Variants in RBFOX1 observed in about 807,000 individuals in gnomAD.
The protein encoded by RBFOX1 is RNA binding protein fox-1 homolog 1.
A neutral mutation model predicts 57.7 loss-of-function variants in RBFOX1; 8 were observed. The ratio of observed to expected loss-of-function variants is 0.14; its 90% CI spans 0.08 to 0.25. The LOEUF is 0.25. Among genes scored for constraint, RBFOX1 ranks in the 10% least tolerant of loss-of-function variants. The pLI is 1.00. For missense variants in RBFOX1, 611 were observed against 548.5 expected (o/e 1.11, Z -1.14); for synonymous variants, 326 against 222.4 (o/e 1.47, Z -4.15).
At chr16:7,569,189 T>C (rs957037690) in intron 5 of RBFOX1, among the ~76,000 whole-genome samples, 2 of 152,214 alleles carry the variant, frequency 1.3e-5, no homozygotes, top group African/African-American at 4.8e-5. Flanking sequence ...TAGTTTTCTT[T>C]TGCTGTCAGA....
Position 6,947,823 on chromosome 16 carries a change from C to G in RBFOX1, c.-15-104234C>G, listed in dbSNP as rs574796165. Among the ~76,000 whole-genome samples, 18 of 152,280 alleles carry G rather than the reference C, an allele frequency of 1.2e-4. No homozygotes were observed. In the Middle Eastern group the frequency reaches 0.017, roughly 144 times the overall value. ...ATGGAGTCTTGCTCTGTCGCTCAAG[C>G]TGCAGTGCAGTCGTGCAATCTTGGC... On this transcript the variant is annotated intron_variant, in intron 3 of 15. Coordinates refer to ENST00000550418, the MANE Select transcript of RBFOX1 (RefSeq NM_018723.4).
intron 3 of RBFOX1, among the ~76,000 whole-genome samples, chr16:5,824,904 T>G (rs1196170522): frequency 6.6e-6 from 1 of 152,200 alleles, no homozygotes; most frequent in Non-Finnish European, 1.5e-5. Context: ...TCCAGTGACA[T>G]AACTAGATGT....
At chr16:7,372,042 A>T (rs1210821869) in intron 4 of RBFOX1, among the ~76,000 whole-genome samples, 2 of 152,074 alleles carry the variant, frequency 1.3e-5, no homozygotes, top group South Asian at 2.1e-4. Flanking sequence ...TAAATAAAAC[A>T]TATATATGGG....
intron 3 of RBFOX1, among the ~76,000 whole-genome samples, chr16:6,917,603 G>T (rs2073496259): frequency 6.6e-6 from 1 of 151,724 alleles, no homozygotes; most frequent in East Asian, 2.0e-4. Flanking sequence ...TCTGACACCG[G>T]CTCCCTTCCT....
At chr16:7,240,769 C>T in intron 4 of RBFOX1, among the ~76,000 whole-genome samples, 1 of 152,068 alleles carries the variant, frequency 6.6e-6, no homozygotes. Flanking sequence ...GGGGTTTTGC[C>T]ATGTTGCCCA....
At chr16:6,891,994 C>G (rs1444530685) in intron 3 of RBFOX1, among the ~76,000 whole-genome samples, 2 of 152,124 alleles carry the variant, frequency 1.3e-5, no homozygotes, top group East Asian at 1.9e-4. Flanking sequence ...CTTACTGATG[C>G]ACTGCAAAAA....
At chr16:6,192,736 C>T (rs1471100571) in intron 1 of RBFOX1, among the ~76,000 whole-genome samples, 2 of 152,138 alleles carry the variant, frequency 1.3e-5, no homozygotes, top group African/African-American at 4.8e-5. Flanking sequence ...GTACTGACCT[C>T]ATAAGGTTGT....
chr16:7,677,948 C>T (rs2073821145), intron 14 of RBFOX1, among the ~76,000 whole-genome samples: 1 of 152,144 alleles, frequency 6.6e-6, no homozygotes, highest in African/African-American at 2.4e-5. Context: ...CAGTTCCATT[C>T]CATTTCTCAC....
chr16:5,702,249 G>A (rs1567417994), intron 3 of RBFOX1, among the ~76,000 whole-genome samples: 1 of 152,224 alleles, frequency 6.6e-6, no homozygotes, highest in African/African-American at 2.4e-5. Flanking sequence ...AGCAGAAGGT[G>A]AATGGGAAGC....
intron 2 of RBFOX1, among the ~76,000 whole-genome samples, chr16:6,446,566 TA>T (rs2094490394): frequency 6.6e-6 from 1 of 152,132 alleles, no homozygotes; most frequent in African/African-American, 2.4e-5. Flanking sequence ...TGTGGGACCC[TA>T]GGGGGCAGTG....
chr16:5,679,946 C>G (rs945770139), intron 3 of RBFOX1, among the ~76,000 whole-genome samples: 3 of 152,188 alleles, frequency 2.0e-5, no homozygotes, highest in South Asian at 2.1e-4. Flanking sequence ...TGTCATTGCT[C>G]TCTTTCACCT....
chr16:7,436,523 C>T (rs1435243659), intron 4 of RBFOX1, among the ~76,000 whole-genome samples: 2 of 152,188 alleles, frequency 1.3e-5, no homozygotes, highest in African/African-American at 2.4e-5. Context: ...ATGCCTCATC[C>T]ATCCAACAAC....
intron 14 of RBFOX1, among the ~76,000 whole-genome samples, chr16:7,696,695 G>A (rs1338635466): frequency 6.6e-6 from 1 of 152,142 alleles, no homozygotes; most frequent in Admixed American, 6.5e-5. Flanking sequence ...ATATGAATAA[G>A]CAGATAATAT....
intron 3 of RBFOX1, among the ~76,000 whole-genome samples, chr16:5,667,131 T>C (rs2049872408): frequency 6.6e-6 from 1 of 152,228 alleles, no homozygotes; most frequent in African/African-American, 2.4e-5. Flanking sequence ...TCTTTATGGG[T>C]ATACCCCAGT....
chr16:5,775,729 G>T (rs528046980), intron 3 of RBFOX1, among the ~76,000 whole-genome samples: 2 of 152,306 alleles, frequency 1.3e-5, no homozygotes, highest in Non-Finnish European at 2.9e-5. Context: ...CTGCTAACTT[G>T]TTGGAAGCAT....
At chr16:7,278,826 G>A (rs1358001841) in intron 4 of RBFOX1, among the ~76,000 whole-genome samples, 1 of 152,202 alleles carries the variant, frequency 6.6e-6, no homozygotes, top group Non-Finnish European at 1.5e-5. Flanking sequence ...AGCTGCCAAT[G>A]AATTATGGAG....
At chr16:6,265,043 C>T (rs1265338407) in intron 1 of RBFOX1, among the ~76,000 whole-genome samples, 2 of 152,090 alleles carry the variant, frequency 1.3e-5, no homozygotes, top group Admixed American at 6.6e-5. Flanking sequence ...GTGGGTGGGG[C>T]TGATGGTTCA....
At chr16:6,273,739 G>C (rs957132166) in intron 1 of RBFOX1, among the ~76,000 whole-genome samples, 17 of 151,898 alleles carry the variant, frequency 1.1e-4, no homozygotes, top group African/African-American at 3.9e-4. Flanking sequence ...AATCTTGCTC[G>C]GCAAAACACC....
intron 2 of RBFOX1, among the ~76,000 whole-genome samples, chr16:6,543,567 G>C (rs1031123503): frequency 6.6e-6 from 1 of 152,094 alleles, no homozygotes; most frequent in African/African-American, 2.4e-5. Flanking sequence ...CTCCAAGAAG[G>C]CCTTTACTGC....
Sources: allele counts gnomAD v4.1 joint callset (sites outside exome capture counted in the v4.1 genomes callset), GRCh38; gene constraint gnomAD v4.1.1; transcripts MANE v1.5; gene names NCBI Gene and HGNC (gene_info 2026-07-23, HGNC 2026-07-21).